The following C1QTNF3 variants were observed in gnomAD, a reference collection of about 807,000 sequenced individuals.
C1QTNF3 encodes the protein complement C1q tumor necrosis factor-related protein 3.
In C1QTNF3, 26 loss-of-function variants were observed where a neutral mutation model predicts 32.6. The observed-to-expected ratio is 0.80, with a 90% CI of 0.58 to 1.11. The LOEUF is 1.11. C1QTNF3 is among the 50% of genes least tolerant of loss of function. The probability of loss-of-function intolerance (pLI) is 0.00; values close to 1 mark genes in which losing one functional copy is unlikely to be tolerated. For synonymous variants in C1QTNF3, 155 were observed against 146.0 expected, an observed-to-expected ratio of 1.06 and a Z score of -0.44; for missense variants, 362 against 398.2, an observed-to-expected ratio of 0.91 and a Z score of 0.77.
At chr5:34,136,949 A>T in the C1QTNF3 span, among the ~76,000 whole-genome samples, 1 of 151,890 alleles carries the variant, frequency 6.6e-6, no homozygotes, top group Non-Finnish European at 1.5e-5. Context: ...TTGAACAAGG[A>T]GATCACTTGG....
chr5:34,218,339 T>A, the C1QTNF3 span: 1 of 150,944 alleles, frequency 6.6e-6, no homozygotes, highest in Non-Finnish European at 1.5e-5. Context: ...GTTGCTCCTA[T>A]CCATCACCTG....
upstream of C1QTNF3, among the ~76,000 whole-genome samples, chr5:34,046,591 C>G (rs1754989592): frequency 6.6e-6 from 1 of 152,192 alleles, no homozygotes; most frequent in Non-Finnish European, 1.5e-5. Flanking sequence ...TCTCACAACC[C>G]TTAGGGGGAA....
the C1QTNF3 span, among the ~76,000 whole-genome samples, chr5:34,064,587 G>A: frequency 6.6e-6 from 1 of 152,220 alleles, no homozygotes; most frequent in Non-Finnish European, 1.5e-5. Flanking sequence ...ATCAGGAGCA[G>A]CAATGGGTGC....
At chr5:34,112,839 T>C in the C1QTNF3 span, among the ~76,000 whole-genome samples, 1 of 152,292 alleles carries the variant, frequency 6.6e-6, no homozygotes, top group East Asian at 1.9e-4. Context: ...GTTAACTGGT[T>C]ATTCAGCAGT....
the C1QTNF3 span, among the ~76,000 whole-genome samples, chr5:34,059,844 G>A: frequency 1.3e-5 from 2 of 152,170 alleles, no homozygotes; most frequent in African/African-American, 2.4e-5. Context: ...GCTATGACCT[G>A]TAAAGATCCT....
chr5:34,020,861 A>G, intron 5 of C1QTNF3, 119 bp from the exon 6 acceptor site: 1 of 1,049,192 alleles, frequency 9.5e-7, no homozygotes, highest in Non-Finnish European at 1.4e-6. Flanking sequence ...TAAGTTCTCT[A>G]AACAGCCTGT....
chr5:34,208,614 CT>C, the C1QTNF3 span, among the ~76,000 whole-genome samples: 1 of 151,706 alleles, frequency 6.6e-6, no homozygotes, highest in Non-Finnish European at 1.5e-5. Flanking sequence ...TATTAAAGAC[CT>C]ATAATTGAAA....
chr5:34,205,607 C>T, the C1QTNF3 span, among the ~76,000 whole-genome samples: 1 of 152,082 alleles, frequency 6.6e-6, no homozygotes. Context: ...GAGGCTTCCC[C>T]ATCCTTGCTT....
the C1QTNF3 span, among the ~76,000 whole-genome samples, chr5:34,118,006 G>A: frequency 6.6e-6 from 1 of 152,114 alleles, no homozygotes. Flanking sequence ...TTTTTGTAGT[G>A]ATCTGTGTAA....
chr5:34,058,081 C>A, the C1QTNF3 span, among the ~76,000 whole-genome samples: 1 of 152,146 alleles, frequency 6.6e-6, no homozygotes, highest in Non-Finnish European at 1.5e-5. Flanking sequence ...ACGTATCTAC[C>A]ACACTTGCAG....
the C1QTNF3 span, among the ~76,000 whole-genome samples, chr5:34,102,951 G>A: frequency 1.9e-5 from 2 of 107,424 alleles, no homozygotes; most frequent in Non-Finnish European, 2.4e-5. Flanking sequence ...CTGCACGTGT[G>A]CACATGTACC....
rs368266969 is a variant in C1QTNF3 at position 34,024,006 on chromosome 5, C to T, written c.703G>A (p.Val235Met). 1.2e-6 allele frequency: 2 copies of T among 1,613,332 alleles called. No homozygotes were observed. The highest frequency in any genetic ancestry group is 1.7e-6 in the Non-Finnish European group (2 of 1,179,544). ...ATCATGCTGAAGGTGAAGAAATACA[C>T]ACCTGAAAAAAGCAGGTATATATCC... Reference protein sequence around the residue: ...TGRFGAPVSGVYFFTFSMMKH... With the variant: ...TGRFGAPVSGMYFFTFSMMKH... Residue 235 changes from valine (V) to methionine (M), a missense_variant and splice_region_variant, in exon 5 of 6, where the codon GTG becomes ATG. By Grantham distance (21) the Val-to-Met change is conservative. Transcript: ENST00000382065.
the C1QTNF3 span, chr5:34,166,326 G>T: frequency 2.6e-5 from 4 of 152,040 alleles, no homozygotes; most frequent in African/African-American, 9.6e-5. Flanking sequence ...GCAACTGATT[G>T]CAACATATTT....
the C1QTNF3 span, among the ~76,000 whole-genome samples, chr5:34,163,480 G>C: frequency 1.4e-5 from 1 of 72,712 alleles, no homozygotes; most frequent in Non-Finnish European, 3.1e-5. Flanking sequence ...TATTATGATT[G>C]ATTATTTTAA....
chr5:34,157,836 A>C, the C1QTNF3 span, among the ~76,000 whole-genome samples: 11 of 152,212 alleles, frequency 7.2e-5, no homozygotes, highest in African/African-American at 2.7e-4. Context: ...CTCCTAACTT[A>C]TAGATCTGTA....
At chr5:34,166,523 G>A in the C1QTNF3 span, 3 of 152,134 alleles carry the variant, frequency 2.0e-5, no homozygotes, top group Non-Finnish European at 4.4e-5. Flanking sequence ...TTCAGGAAGT[G>A]GAGCAATATT....
the C1QTNF3 span, among the ~76,000 whole-genome samples, chr5:34,084,986 C>CT: frequency 0.018 from 1,241 of 70,008 alleles, 73 homozygotes; most frequent in South Asian, 0.034. Context: ...ACGTTTAAGT[C>CT]TTTTTTTTTT....
the C1QTNF3 span, among the ~76,000 whole-genome samples, chr5:34,087,700 AG>A: frequency 6.7e-6 from 1 of 149,012 alleles, no homozygotes; most frequent in African/African-American, 2.5e-5. Flanking sequence ...CAGCCTCCTG[AG>A]GTAGCTGGGA....
chr5:34,176,994 A>C, the C1QTNF3 span, among the ~76,000 whole-genome samples: 1 of 152,166 alleles, frequency 6.6e-6, no homozygotes, highest in Non-Finnish European at 1.5e-5. Context: ...AGAGTTCAAG[A>C]TCAGCCTAGG....
Sources: allele counts gnomAD v4.1 joint callset (sites outside exome capture counted in the v4.1 genomes callset), GRCh38; gene constraint gnomAD v4.1.1; transcripts MANE v1.5; gene names NCBI Gene and HGNC (gene_info 2026-07-23, HGNC 2026-07-21).